The following FAM3D variants were observed in gnomAD, a reference collection of about 807,000 sequenced individuals.
FAM3D encodes the protein protein FAM3D.
FAM3D carries 26 observed loss-of-function variants against 29.8 expected under a neutral mutation model. The observed-to-expected ratio is 0.87, with a 90% CI of 0.64 to 1.21. The LOEUF is 1.21. Among genes scored for constraint, FAM3D ranks in the 50% most tolerant of loss-of-function variants. The pLI, the probability that FAM3D is intolerant of heterozygous loss-of-function variation, is 0.00. For synonymous variants in FAM3D, 115 were observed against 102.3 expected, an observed-to-expected ratio of 1.12 and a Z score of -0.75; for missense variants, 253 against 290.9, an observed-to-expected ratio of 0.87 and a Z score of 0.95.
At chr3:58,643,386 G>A (rs535039344) in intron 6 of FAM3D, among the ~76,000 whole-genome samples, 1 of 152,362 alleles carries the variant, frequency 6.6e-6, no homozygotes, top group Admixed American at 6.5e-5. Context: ...AGGCTTTGAG[G>A]ATCGGGTCAT....
chr3:58,661,070 T>A (rs769288404), intron 1 of FAM3D, among the ~76,000 whole-genome samples: 31 of 152,334 alleles, frequency 2.0e-4, no homozygotes, highest in Non-Finnish European at 4.1e-4. Context: ...TCTGCCTTTG[T>A]AGGAGGAAAG....
At chr3:58,653,920 C>A in intron 2 of FAM3D, 139 bp from the exon 3 acceptor site, 1 of 708,144 alleles carries the variant, frequency 1.4e-6, no homozygotes, top group Non-Finnish European at 2.5e-6. Context: ...GACCATGGGA[C>A]CATGTGGTAA....
At chr3:58,661,069 G>A (rs573483055) in intron 1 of FAM3D, among the ~76,000 whole-genome samples, 2 of 152,208 alleles carry the variant, frequency 1.3e-5, no homozygotes, top group African/African-American at 4.8e-5. Flanking sequence ...CTCTGCCTTT[G>A]TAGGAGGAAA....
intron 1 of FAM3D, among the ~76,000 whole-genome samples, chr3:58,656,542 T>C (rs918431004): frequency 6.6e-6 from 1 of 152,136 alleles, no homozygotes; most frequent in Non-Finnish European, 1.5e-5. Flanking sequence ...GCTGGGCAGT[T>C]ACCAGTGATT....
At chr3:58,649,032 G>A (rs1042130458) in intron 4 of FAM3D, among the ~76,000 whole-genome samples, 1 of 152,152 alleles carries the variant, frequency 6.6e-6, no homozygotes. Context: ...GGCAGGGTTC[G>A]GTCCAGACTG....
intron 6 of FAM3D, among the ~76,000 whole-genome samples, chr3:58,642,284 C>T (rs1171899962): frequency 6.6e-6 from 1 of 152,202 alleles, no homozygotes; most frequent in Non-Finnish European, 1.5e-5. Context: ...CTCCAGGCCT[C>T]GACTTCTCCC....
intron 5 of FAM3D, among the ~76,000 whole-genome samples, chr3:58,644,224 C>T (rs879757743): frequency 3.9e-5 from 6 of 152,180 alleles, no homozygotes; most frequent in Admixed American, 2.6e-4. Flanking sequence ...GAGCATCCTA[C>T]GTCCCCAGCT....
chr3:58,643,726 G>T lies in FAM3D; in HGVS notation c.264-6C>A, dbSNP rs200039166. The T allele has an allele frequency of 6.2e-7, 1 of 1,613,844 alleles. No homozygotes were observed. Among genetic ancestry groups the T allele is most frequent in the Admixed American group, 1.7e-5 (1 of 60,032 alleles). On this transcript the variant is annotated splice_polypyrimidine_tract_variant and splice_region_variant and intron_variant, in intron 5 of 9. Transcript: ENST00000358781. ...TTTTCACAGGACTCATGATCCTGAA[G>T]ACAATGAAGAAGAAATATGACAGTC... is the stretch of plus-strand genomic sequence containing the variant.
At chr3:58,642,414 A>T (rs957805714) in intron 6 of FAM3D, among the ~76,000 whole-genome samples, 2 of 152,200 alleles carry the variant, frequency 1.3e-5, no homozygotes, top group Admixed American at 1.3e-4. Context: ...AAGTGTGCTC[A>T]TGTGGTCCTG....
rs1332134866 is a variant in FAM3D at position 58,640,129 on chromosome 3, C to T, written c.371G>A (p.Gly124Glu). 1.9e-6 allele frequency: 3 copies of T among 1,614,042 alleles called. No homozygotes were observed. The highest frequency in any genetic ancestry group is 2.2e-5 in the East Asian group (1 of 44,884). Residue 124 changes from glycine (G) to glutamate (E), a missense_variant and splice_region_variant, in exon 7 of 10, where the codon GGA (glycine) becomes GAA (glutamate). Gly to Glu is a moderately conservative substitution (Grantham distance 98, BLOSUM62 -2). Transcript: ENST00000358781. ...LGQKAFDMYS[G>E]DVMHLVKFLK... ...TCAGTGTCAGCAGAGGCACCTACCTCCAGAGTACATGTCAAATGCCTTCTG... is the reference window on the plus strand; with the variant it reads ...TCAGTGTCAGCAGAGGCACCTACCTTCAGAGTACATGTCAAATGCCTTCTG...
At chr3:58,637,458 T>C (rs2305033) in intron 7 of FAM3D, among the ~76,000 whole-genome samples, 82,162 of 151,896 alleles carry the variant, frequency 0.54, 23,375 homozygotes, top group Non-Finnish European at 0.62. Flanking sequence ...GGGTGGCTTC[T>C]GGACACTGGA....
At chr3:58,658,932 C>T (rs972109948) in intron 1 of FAM3D, among the ~76,000 whole-genome samples, 5 of 152,188 alleles carry the variant, frequency 3.3e-5, no homozygotes, top group Admixed American at 6.5e-5. Context: ...AGGGGCAGAG[C>T]AGCTGGGGCA....
chr3:58,634,483 C>CTGTGAAGTGGG lies in FAM3D; in HGVS notation c.586-116_586-115insCCCACTTCACA. The CTGTGAAGTGGG allele has an allele frequency of 1.2e-6, 1 of 843,582 alleles. No homozygotes were observed. The highest frequency in any genetic ancestry group is 1.8e-6 in the Non-Finnish European group (1 of 545,390). 52.3% of individuals were successfully genotyped at this position (843,582 alleles called of 1,614,324 possible). A position where few individuals can be genotyped will look rare whatever the true frequency, so the allele number is the denominator to read the frequency against. ...GGGGGTGTGGGATGTTATTAACCCA[C>CTGTGAAGTGGG]TTCACAGATGGGGAAACTGAGGCTC... On this transcript the variant is annotated intron_variant, in intron 9 of 9. Transcript: ENST00000358781. The surrounding 1 kb of genome is among the most constrained non-coding windows in gnomAD (Gnocchi z 4.6).
At chr3:58,645,662 G>T (rs1452013656) in intron 4 of FAM3D, 36 bp from the exon 5 acceptor site, 6 of 1,573,800 alleles carry the variant, frequency 3.8e-6, no homozygotes, top group Non-Finnish European at 5.2e-6. Context: ...GTGGGCAGAA[G>T]CTCAGGAGGT....
At chr3:58,637,343 G>A (rs2066203906) in intron 7 of FAM3D, 118 bp from the exon 8 acceptor site, 1 of 902,356 alleles carries the variant, frequency 1.1e-6, no homozygotes, top group Non-Finnish European at 1.7e-6. Flanking sequence ...ACTGGGCTGA[G>A]CTCAGAAGCC....
chr3:58,660,757 A>G (rs13096853), intron 1 of FAM3D, among the ~76,000 whole-genome samples: 147,487 of 152,212 alleles, frequency 0.97, 71,640 homozygotes, highest in East Asian at 1. Context: ...TTCCTAGGGT[A>G]CTTCCCAGAA....
intron 7 of FAM3D, 113 bp downstream of exon 7, chr3:58,640,014 T>TGG: frequency 8.8e-7 from 1 of 1,136,544 alleles, no homozygotes; most frequent in Non-Finnish European, 1.3e-6. Context: ...GGGTGCCTCC[T>TGG]GTGGAAAGAA....
intron 2 of FAM3D, among the ~76,000 whole-genome samples, chr3:58,655,238 G>A (rs2066759300): frequency 6.6e-6 from 1 of 151,986 alleles, no homozygotes; most frequent in Admixed American, 6.5e-5. Context: ...GAATTTTTAT[G>A]GTATAAAAAT....
At chr3:58,636,634 A>G (rs1559494278) in intron 8 of FAM3D, among the ~76,000 whole-genome samples, 3 of 152,234 alleles carry the variant, frequency 2.0e-5, no homozygotes, top group Non-Finnish European at 4.4e-5. Flanking sequence ...GAGATGTGTT[A>G]AAACAGTACT....
Sources: allele counts gnomAD v4.1 joint callset (sites outside exome capture counted in the v4.1 genomes callset), GRCh38; gene constraint gnomAD v4.1.1; non-coding constraint Gnocchi (gnomAD v3.1); transcripts MANE v1.5; gene names NCBI Gene and HGNC (gene_info 2026-07-23, HGNC 2026-07-21).